The following PDGFC variants were observed in gnomAD, a reference collection of about 807,000 sequenced individuals.
PDGFC encodes the protein platelet-derived growth factor C.
In PDGFC, 12 loss-of-function variants were observed where a neutral mutation model predicts 35.5. The ratio of observed to expected loss-of-function variants is 0.34; its 90% confidence interval spans 0.22 to 0.55. PDGFC has a LOEUF of 0.55. PDGFC is among the 20% of genes least tolerant of loss of function. PDGFC has a pLI of 0.91. For synonymous variants in PDGFC, 159 were observed against 148.8 expected, an observed-to-expected ratio of 1.07 and a Z score of -0.50; for missense variants, 322 against 412.4, an observed-to-expected ratio of 0.78 and a Z score of 1.90.
chr4:156,931,691 C>A (rs1452245197), intron 1 of PDGFC, among the ~76,000 whole-genome samples: 1 of 152,044 alleles, frequency 6.6e-6, no homozygotes, highest in Admixed American at 6.6e-5. Flanking sequence ...TTTGGACCAC[C>A]CAGACATTTG....
chr4:156,763,904 A>G (rs181959655), intron 5 of PDGFC, among the ~76,000 whole-genome samples: 63 of 152,350 alleles, frequency 4.1e-4, no homozygotes, highest in African/African-American at 1.4e-3. Flanking sequence ...GTTTTAATAA[A>G]AATACAGCAA....
At chr4:156,861,754 T>C (rs1285525374) in intron 1 of PDGFC, among the ~76,000 whole-genome samples, 1 of 152,114 alleles carries the variant, frequency 6.6e-6, no homozygotes, top group Non-Finnish European at 1.5e-5. Flanking sequence ...AGAAAGAGCA[T>C]TATTTATTCC....
At chr4:156,823,929 A>C (rs1579034112) in intron 2 of PDGFC, among the ~76,000 whole-genome samples, 1 of 152,146 alleles carries the variant, frequency 6.6e-6, no homozygotes. Flanking sequence ...TTCATTCATG[A>C]CAACATGAAC....
intron 3 of PDGFC, among the ~76,000 whole-genome samples, chr4:156,787,119 G>A (rs1731149718): frequency 6.6e-6 from 1 of 152,178 alleles, no homozygotes; most frequent in South Asian, 2.1e-4. Context: ...ATGTTATTAG[G>A]AAGAGGTGCC....
intron 1 of PDGFC, among the ~76,000 whole-genome samples, chr4:156,952,039 T>A (rs932597582): frequency 6.6e-6 from 1 of 151,886 alleles, no homozygotes; most frequent in Non-Finnish European, 1.5e-5. Flanking sequence ...TGTTTTAATA[T>A]GTACACTAAA....
chr4:156,917,141 G>C (rs758300405), intron 1 of PDGFC, among the ~76,000 whole-genome samples: 5 of 152,166 alleles, frequency 3.3e-5, no homozygotes, highest in Non-Finnish European at 7.4e-5. Context: ...CCTATGGTAT[G>C]GGCCCAATAA....
rs968828546 is a variant in PDGFC, at chr4:156,934,033, T to C, written c.118+36753A>G. On this transcript the variant is annotated intron_variant, in intron 1 of 5. Transcript: ENST00000502773. The stretch of plus-strand genomic sequence containing the variant: ...AACACATGACTTTACAGAGAAAATA[T>C]GTGTGTTAGATAAGCTTCCTTCAGG... 4.6e-5 allele frequency among the ~76,000 whole-genome samples: 7 copies of C among 152,208 alleles called. No individual in the cohort carries two copies. In the South Asian group the frequency reaches 8.3e-4, roughly 18 times the overall value.
At chr4:156,943,607 C>CT (rs34259023) in intron 1 of PDGFC, among the ~76,000 whole-genome samples, 3 of 150,912 alleles carry the variant, frequency 2.0e-5, no homozygotes, top group African/African-American at 4.9e-5. Flanking sequence ...TGCATCAAAC[C>CT]TTTTTTTTTC....
intron 1 of PDGFC, among the ~76,000 whole-genome samples, chr4:156,906,916 C>G (rs73856787): frequency 0.027 from 4,057 of 152,228 alleles, 179 homozygotes; most frequent in African/African-American, 0.09. Context: ...CAGCTCTGCC[C>G]CTTCCATTTC....
intron 3 of PDGFC, among the ~76,000 whole-genome samples, chr4:156,802,153 T>C (rs1731629553): frequency 6.6e-6 from 1 of 152,226 alleles, no homozygotes; most frequent in Admixed American, 6.5e-5. Flanking sequence ...CCACAGACTG[T>C]TTTGATGATT....
intron 1 of PDGFC, among the ~76,000 whole-genome samples, chr4:156,889,991 C>G (rs1397070888): frequency 5.9e-5 from 9 of 152,088 alleles, no homozygotes; most frequent in Non-Finnish European, 1.2e-4. Flanking sequence ...TATTTTTTAA[C>G]TCTTTTACTT....
intron 1 of PDGFC, among the ~76,000 whole-genome samples, chr4:156,883,303 C>T (rs1476838619): frequency 6.6e-6 from 1 of 152,008 alleles, no homozygotes; most frequent in Non-Finnish European, 1.5e-5. Flanking sequence ...ACATATGAAA[C>T]ATATTTGATT....
At chr4:156,765,113 A>C (rs1325619332) in intron 5 of PDGFC, among the ~76,000 whole-genome samples, 15 of 152,206 alleles carry the variant, frequency 9.9e-5, no homozygotes, top group Admixed American at 9.8e-4. Context: ...AAATAGCAGA[A>C]GAATCTCTTA....
At chr4:156,764,901 C>A (rs1318247469) in intron 5 of PDGFC, among the ~76,000 whole-genome samples, 1 of 152,168 alleles carries the variant, frequency 6.6e-6, no homozygotes, top group Admixed American at 6.5e-5. Flanking sequence ...GTCTTCAATT[C>A]CTATGTCCAC....
At chr4:156,839,701 G>A (rs906934236) in intron 2 of PDGFC, among the ~76,000 whole-genome samples, 2 of 152,112 alleles carry the variant, frequency 1.3e-5, no homozygotes, top group African/African-American at 2.4e-5. Flanking sequence ...AAACTTCCTC[G>A]AGACTTGGAG....
intron 1 of PDGFC, among the ~76,000 whole-genome samples, chr4:156,912,480 C>T (rs1442783134): frequency 6.6e-6 from 1 of 152,128 alleles, no homozygotes; most frequent in Non-Finnish European, 1.5e-5. Flanking sequence ...GCTTGCTTCC[C>T]TGTCTCCCAC....
chr4:156,848,248 A>AT (rs1729371763), intron 2 of PDGFC, among the ~76,000 whole-genome samples: 1 of 151,946 alleles, frequency 6.6e-6, no homozygotes, highest in African/African-American at 2.4e-5. Flanking sequence ...CCATATTACA[A>AT]TTTTTTAAAA....
intron 2 of PDGFC, among the ~76,000 whole-genome samples, chr4:156,813,311 G>A (rs1467960365): frequency 6.6e-6 from 1 of 152,028 alleles, no homozygotes. Flanking sequence ...ACACTGATTT[G>A]GCGCAAACTG....
intron 3 of PDGFC, among the ~76,000 whole-genome samples, chr4:156,809,976 T>A (rs1430592259): frequency 6.6e-6 from 1 of 151,854 alleles, no homozygotes; most frequent in Non-Finnish European, 1.5e-5. Flanking sequence ...ATATTTCACT[T>A]TGTGAAAGTG....
Sources: gnomAD v4.1 joint callset for allele counts (sites outside exome capture counted in the v4.1 genomes callset) on GRCh38, gnomAD v4.1.1 for gene constraint, MANE v1.5 for transcripts, NCBI Gene and HGNC (gene_info 2026-07-23, HGNC 2026-07-21) for gene names.